Variants in LRP1B observed in about 807,000 individuals in gnomAD.
LRP1B encodes the protein low-density lipoprotein receptor-related protein 1B.
A neutral mutation model predicts 556.6 loss-of-function variants in LRP1B; 217 were observed. The observed-to-expected ratio is 0.39, with a 90% CI of 0.35 to 0.44. LRP1B has a LOEUF of 0.44. Among genes scored for constraint, LRP1B ranks in the 20% least tolerant of loss-of-function variants. The pLI is 1.00. For synonymous variants in LRP1B, 2,047 were observed against 1,865.8 expected (o/e 1.10, Z -2.50); for missense variants, 5,053 against 5,620.8 (o/e 0.90, Z 3.23).
intron 2 of LRP1B, among the ~76,000 whole-genome samples, chr2:141,560,357 GTACT>G (rs1437679063): frequency 6.6e-6 from 1 of 151,752 alleles, no homozygotes; most frequent in East Asian, 1.9e-4. Flanking sequence ...CTCTGCATTA[GTACT>G]TAAATAGCTA....
chr2:141,102,660 T>C (rs1442020656), intron 7 of LRP1B, among the ~76,000 whole-genome samples: 1 of 151,948 alleles, frequency 6.6e-6, no homozygotes, highest in Admixed American at 6.6e-5. Flanking sequence ...CTCAATAATA[T>C]AGGAAGATAG....
chr2:141,585,563 G>T (rs1173193389), intron 2 of LRP1B, among the ~76,000 whole-genome samples: 1 of 151,772 alleles, frequency 6.6e-6, no homozygotes, highest in Non-Finnish European at 1.5e-5. Context: ...TTGAAGGCAT[G>T]CTTGCCATAT....
At chr2:142,001,636 G>A (rs77992049) in intron 1 of LRP1B, among the ~76,000 whole-genome samples, 2 of 152,256 alleles carry the variant, frequency 1.3e-5, no homozygotes, top group East Asian at 3.9e-4. Context: ...GTTCATTGGA[G>A]ACATACTGCA....
chr2:141,832,420 A>T (rs376795089), intron 1 of LRP1B, among the ~76,000 whole-genome samples: 2 of 151,694 alleles, frequency 1.3e-5, no homozygotes, highest in East Asian at 3.9e-4. Context: ...ATAGTAGTAT[A>T]TAAATTGAGG....
chr2:140,562,452 T>TTATC (rs1680964781), intron 43 of LRP1B, among the ~76,000 whole-genome samples: 1 of 152,276 alleles, frequency 6.6e-6, no homozygotes, highest in Admixed American at 6.5e-5. Context: ...TGATTCACAA[T>TTATC]TATCTAGAGA....
intron 1 of LRP1B, among the ~76,000 whole-genome samples, chr2:141,910,133 T>C (rs1037661765): frequency 1.1e-5 from 1 of 87,440 alleles, no homozygotes; most frequent in Non-Finnish European, 2.2e-5. Flanking sequence ...AGAGCGAGAC[T>C]CCATCTCAAA....
chr2:142,118,648 G>A (rs550098210), intron 1 of LRP1B, among the ~76,000 whole-genome samples: 1 of 152,234 alleles, frequency 6.6e-6, no homozygotes, highest in African/African-American at 2.4e-5. Flanking sequence ...GGTGTGATAT[G>A]AGCAGAGTTC....
intron 48 of LRP1B, 27 bp downstream of exon 48, chr2:140,526,210 C>A (rs1177218409): frequency 1.3e-6 from 2 of 1,595,152 alleles, no homozygotes; most frequent in Non-Finnish European, 1.7e-6. Context: ...CAAGCATAAA[C>A]AGACAAAAGG....
At chr2:141,357,564 T>C (rs973870560) in intron 3 of LRP1B, among the ~76,000 whole-genome samples, 1 of 152,180 alleles carries the variant, frequency 6.6e-6, no homozygotes, top group Non-Finnish European at 1.5e-5. Flanking sequence ...AATAATAATC[T>C]AATTGTTTAA....
At chr2:140,774,260 T>A (rs536578038) in intron 33 of LRP1B, among the ~76,000 whole-genome samples, 73 of 152,288 alleles carry the variant, frequency 4.8e-4, no homozygotes, top group African/African-American at 1.5e-3. Context: ...TTTAGTCATA[T>A]TGTACCATTG....
chr2:141,824,306 G>C (rs929397567), intron 1 of LRP1B, among the ~76,000 whole-genome samples: 1 of 152,112 alleles, frequency 6.6e-6, no homozygotes, highest in African/African-American at 2.4e-5. Context: ...CTTTTTCAAT[G>C]CCACTCAACT....
chr2:140,682,263 T>C (rs1574235570), intron 41 of LRP1B, among the ~76,000 whole-genome samples: 2 of 152,304 alleles, frequency 1.3e-5, no homozygotes, highest in African/African-American at 2.4e-5. Flanking sequence ...TATAATTCTG[T>C]CTATATTCGT....
Position 141,213,580 on chromosome 2 carries a change from A to G in LRP1B, c.850+15603T>C, listed in dbSNP as rs1394409033. Among the ~76,000 whole-genome samples the G allele has an allele frequency of 2.0e-5, 3 of 152,302 alleles. No individual in the cohort carries two copies. In the East Asian group the frequency reaches 5.8e-4, roughly 29 times the overall value. On this transcript the variant is annotated intron_variant, in intron 6 of 90. Coordinates refer to ENST00000389484, the MANE Select transcript of LRP1B (RefSeq NM_018557.3). Reference sequence around the variant, plus strand: ...CCACACAGACATGAGAGAATGTACAAACTCCACACAGACAGTGGCCCCAGC... The same window carrying G: ...CCACACAGACATGAGAGAATGTACAGACTCCACACAGACAGTGGCCCCAGC...
chr2:140,881,147 G>GA (rs1445998233), intron 25 of LRP1B, among the ~76,000 whole-genome samples: 4 of 152,066 alleles, frequency 2.6e-5, no homozygotes, highest in South Asian at 2.1e-4. Context: ...AGAAATTGGG[G>GA]AAAATCTTAT....
At chr2:140,779,753 A>AGTGTGTGTGT (rs373081625) in intron 32 of LRP1B, among the ~76,000 whole-genome samples, 1,780 of 133,986 alleles carry the variant, frequency 0.013, 26 homozygotes, top group African/African-American at 0.016. Context: ...TCTCTGTGAG[A>AGTGTGTGTGT]GAGTGTGTGT....
intron 77 of LRP1B, among the ~76,000 whole-genome samples, chr2:140,347,255 A>C (rs1681730645): frequency 6.6e-6 from 1 of 151,890 alleles, no homozygotes; most frequent in Non-Finnish European, 1.5e-5. Context: ...GTACAGATTA[A>C]ATCATGTCAC....
intron 3 of LRP1B, among the ~76,000 whole-genome samples, chr2:141,470,831 T>G (rs1682434832): frequency 6.6e-6 from 1 of 152,198 alleles, no homozygotes; most frequent in Admixed American, 6.5e-5. Flanking sequence ...CAATGATATA[T>G]TTTTCAAAGT....
At chr2:140,537,394 GTCAAATGAACAA>G (rs1679955022) in intron 45 of LRP1B, among the ~76,000 whole-genome samples, 1 of 151,834 alleles carries the variant, frequency 6.6e-6, no homozygotes, top group Admixed American at 6.6e-5. Context: ...AATCATCTCA[GTCAAATGAACAA>G]TCCGGACTTT....
Position 140,516,934 on chromosome 2 carries a change from C to T in LRP1B, c.8104G>A (p.Asp2702Asn), listed in dbSNP as rs772783794. The part of the protein sequence containing the change: ...GRCILNTWIC[D>N]GQKDCEDGRD... ...CCATCCTCACAATCTTTCTGACCATCGCATATCCAGGTATTCAAAATGCAT... is the reference window on the plus strand; with the variant it reads ...CCATCCTCACAATCTTTCTGACCATTGCATATCCAGGTATTCAAAATGCAT... Residue 2702 changes from aspartate (D) to asparagine (N), a missense_variant, in exon 50 of 91, where the codon GAT becomes AAT. Transcript: ENST00000389484. 4 of 1,612,692 alleles carry T rather than the reference C, an allele frequency of 2.5e-6. No individual in the cohort carries two copies. The highest frequency in any genetic ancestry group is 2.2e-5 in the East Asian group (1 of 44,770).
Sources: gnomAD v4.1 joint callset for allele counts (sites outside exome capture counted in the v4.1 genomes callset) on GRCh38, gnomAD v4.1.1 for gene constraint, MANE v1.5 for transcripts, NCBI Gene and HGNC (gene_info 2026-07-23, HGNC 2026-07-21) for gene names.